The following MEIS2 variants were observed in gnomAD, a reference collection of about 807,000 sequenced individuals.
The protein encoded by MEIS2 is Meis homeobox 2, also known as homeobox protein Meis2.
A neutral mutation model predicts 58.6 loss-of-function variants in MEIS2; 9 were observed. The observed-to-expected ratio is 0.15, with a 90% CI of 0.09 to 0.27. The LOEUF (loss-of-function observed/expected upper bound fraction) is 0.27, where lower values mean the gene tolerates loss of function less well. Among genes scored for constraint, MEIS2 ranks in the 10% least tolerant of loss-of-function variants. The pLI is 1.00. For missense variants in MEIS2, 427 were observed against 635.0 expected, an observed-to-expected ratio of 0.67 and a Z score of 3.52; for synonymous variants, 221 against 228.4, an observed-to-expected ratio of 0.97 and a Z score of 0.29.
At chr15:37,081,687 T>C (rs1892225405) in intron 7 of MEIS2, among the ~76,000 whole-genome samples, 1 of 152,182 alleles carries the variant, frequency 6.6e-6, no homozygotes, top group African/African-American at 2.4e-5. Flanking sequence ...ATACCTTTTT[T>C]TTCTTTCAAA....
At chr15:36,915,850 G>A (rs1359870174) in intron 9 of MEIS2, among the ~76,000 whole-genome samples, 1 of 152,166 alleles carries the variant, frequency 6.6e-6, no homozygotes, top group Non-Finnish European at 1.5e-5. Context: ...CAGGGCAAAT[G>A]TTGTAAAGAT....
chr15:37,029,771 T>A (rs1046151613), intron 8 of MEIS2, among the ~76,000 whole-genome samples: 4 of 152,204 alleles, frequency 2.6e-5, no homozygotes, highest in African/African-American at 9.6e-5. Context: ...CAGATAACTT[T>A]CATTTTGATG....
chr15:36,897,029 AC>A, intron 9 of MEIS2: 1 of 213,564 alleles, frequency 4.7e-6, no homozygotes, highest in South Asian at 8.9e-5. Context: ...CTTTCCCTAG[AC>A]TCCCCGTGAT....
chr15:37,032,604 T>G (rs1027837451), intron 8 of MEIS2, among the ~76,000 whole-genome samples: 4 of 152,186 alleles, frequency 2.6e-5, no homozygotes, highest in African/African-American at 9.7e-5. Flanking sequence ...TTCCAAGAGA[T>G]TCTTTCTTCA....
rs183177247 is a variant in MEIS2, at chr15:36,969,513, T to C, written c.901-19113A>G. Among the ~76,000 whole-genome samples the C allele has an allele frequency of 2.6e-5, 4 of 152,338 alleles. No individual in the cohort carries two copies. In the East Asian group the frequency reaches 7.7e-4, roughly 29 times the overall value. ...GCTCTTACATTCTATCTTAATTCTT[T>C]AGTTATTTAAAGGTATTGTTTATAT... On this transcript the variant is annotated intron_variant, in intron 8 of 11. Coordinates refer to ENST00000561208, the MANE Select transcript of MEIS2 (RefSeq NM_170675.5).
chr15:36,922,715 G>T (rs2141301583), intron 9 of MEIS2, among the ~76,000 whole-genome samples: 1 of 151,066 alleles, frequency 6.6e-6, no homozygotes, highest in Admixed American at 6.6e-5. Flanking sequence ...CCGCCTCCCG[G>T]GTTCAGGCGA....
intron 8 of MEIS2, among the ~76,000 whole-genome samples, chr15:36,952,241 G>A (rs1214780519): frequency 2.0e-5 from 3 of 151,794 alleles, no homozygotes; most frequent in African/African-American, 4.8e-5. Flanking sequence ...CACTGGTTGG[G>A]GTGGGAGGGG....
chr15:37,071,713 G>A (rs184028464), intron 7 of MEIS2, among the ~76,000 whole-genome samples: 203 of 152,148 alleles, frequency 1.3e-3, no homozygotes, highest in Admixed American at 2.1e-3. Context: ...AGTGAAGGAT[G>A]GGAGATTTGC....
intron 8 of MEIS2, among the ~76,000 whole-genome samples, chr15:36,951,060 A>G (rs2058733246): frequency 6.6e-6 from 1 of 152,172 alleles, no homozygotes; most frequent in Non-Finnish European, 1.5e-5. Context: ...ATTATGTGCA[A>G]TACTTCATAT....
At chr15:37,099,194 A>G in intron 1 of MEIS2, 2 of 1,410,738 alleles carry the variant, frequency 1.4e-6, no homozygotes, top group Non-Finnish European at 1.8e-6. Context: ...CACCACTCAC[A>G]CGCACTCGCC....
At chr15:37,097,136 C>A (rs1429545107) in intron 2 of MEIS2, 1 of 152,222 alleles carries the variant, frequency 6.6e-6, no homozygotes, top group Non-Finnish European at 1.5e-5. Context: ...TTTAAGTGTG[C>A]GTGCGCGTAT....
chr15:37,041,341 C>T (rs2062416550), intron 7 of MEIS2, among the ~76,000 whole-genome samples: 1 of 152,212 alleles, frequency 6.6e-6, no homozygotes, highest in Admixed American at 6.5e-5. Context: ...GCACAGAGAA[C>T]ATCCCCTTGG....
intron 7 of MEIS2, among the ~76,000 whole-genome samples, chr15:37,068,174 G>A (rs1166555682): frequency 2.0e-5 from 3 of 152,094 alleles, no homozygotes; most frequent in Admixed American, 1.3e-4. Flanking sequence ...TTCAGACTTA[G>A]GTCTAACTTC....
intron 8 of MEIS2, among the ~76,000 whole-genome samples, chr15:37,001,456 T>A (rs955292538): frequency 6.6e-6 from 1 of 152,218 alleles, no homozygotes; most frequent in African/African-American, 2.4e-5. Flanking sequence ...TCCTGTTTTA[T>A]TTATTTGAAT....
At chr15:37,082,482 G>C (rs1043493894) in intron 7 of MEIS2, among the ~76,000 whole-genome samples, 1 of 152,046 alleles carries the variant, frequency 6.6e-6, no homozygotes, top group Non-Finnish European at 1.5e-5. Context: ...CTGTGACATG[G>C]AACCACAGTT....
intron 8 of MEIS2, among the ~76,000 whole-genome samples, chr15:37,026,746 A>C (rs967000337): frequency 2.0e-4 from 30 of 152,218 alleles, no homozygotes; most frequent in Non-Finnish European, 5.9e-5. Context: ...GAATCCCATG[A>C]CAATATCTCT....
chr15:36,919,903 G>A (rs2057428772), intron 9 of MEIS2, among the ~76,000 whole-genome samples: 1 of 152,112 alleles, frequency 6.6e-6, no homozygotes, highest in South Asian at 2.1e-4. Flanking sequence ...AAACACAATA[G>A]GTGGATCTTT....
intron 8 of MEIS2, among the ~76,000 whole-genome samples, chr15:36,957,430 G>A (rs1416094804): frequency 2.0e-5 from 3 of 152,120 alleles, no homozygotes; most frequent in Non-Finnish European, 2.9e-5. Context: ...GCTGCTGAAG[G>A]AGAGTATATT....
intron 7 of MEIS2, among the ~76,000 whole-genome samples, chr15:37,080,286 G>C (rs1240787528): frequency 6.6e-6 from 1 of 151,924 alleles, no homozygotes; most frequent in African/African-American, 2.4e-5. Context: ...TAAAACAAAG[G>C]CTCATCAATA....
Sources: gnomAD v4.1 joint callset for allele counts (sites outside exome capture counted in the v4.1 genomes callset) on GRCh38, gnomAD v4.1.1 for gene constraint, MANE v1.5 for transcripts, NCBI Gene and HGNC (gene_info 2026-07-23, HGNC 2026-07-21) for gene names.